Variants in UGCG observed in about 807,000 individuals in gnomAD.
The protein encoded by UGCG is ceramide glucosyltransferase.
Under a neutral mutation model 49.5 loss-of-function variants are expected in UGCG, and 10 were observed. That is an observed-to-expected ratio of 0.20 (90% confidence interval 0.12 to 0.34). The LOEUF (loss-of-function observed/expected upper bound fraction) is 0.34, where lower values mean the gene tolerates loss of function less well. UGCG is among the 10% of genes least tolerant of loss of function. UGCG has a pLI of 1.00. For missense variants in UGCG, 312 were observed against 483.7 expected (o/e 0.65, Z 3.33); for synonymous variants, 182 against 158.2 (o/e 1.15, Z -1.13).
intron 7 of UGCG, 75 bp downstream of exon 7, chr9:111,931,432 A>T: frequency 1.5e-6 from 2 of 1,343,974 alleles, no homozygotes; most frequent in Non-Finnish European, 1.0e-6. Context: ...TACAGGTTTA[A>T]TGTAGTTAAA....
chr9:111,912,925 A>G (rs1838042396), intron 1 of UGCG, among the ~76,000 whole-genome samples: 1 of 152,078 alleles, frequency 6.6e-6, no homozygotes, highest in Non-Finnish European at 1.5e-5. Flanking sequence ...ACGTGTGTGT[A>G]AAACTGTATG....
intron 1 of UGCG, among the ~76,000 whole-genome samples, chr9:111,912,194 A>G (rs1838023527): frequency 6.6e-6 from 1 of 151,800 alleles, no homozygotes; most frequent in Admixed American, 6.6e-5. Flanking sequence ...TATGCGTTTT[A>G]GATCGTGGTT....
At chr9:111,924,410 C>G (rs965424936) in intron 3 of UGCG, among the ~76,000 whole-genome samples, 2 of 152,038 alleles carry the variant, frequency 1.3e-5, no homozygotes, top group Non-Finnish European at 2.9e-5. Flanking sequence ...TGTACTTATA[C>G]TTTATTTGTG....
chr9:111,920,050 C>T (rs532505657), intron 2 of UGCG, among the ~76,000 whole-genome samples: 2 of 152,182 alleles, frequency 1.3e-5, no homozygotes, highest in Admixed American at 6.5e-5. Context: ...AAGGAAATCT[C>T]AGGAGGGTGG....
chr9:111,914,968 T>A, intron 2 of UGCG: 2 of 480,108 alleles, frequency 4.2e-6, no homozygotes, highest in Non-Finnish European at 6.9e-6. Flanking sequence ...CCGTGTGAAG[T>A]AGAGATCCCT....
intron 1 of UGCG, among the ~76,000 whole-genome samples, chr9:111,908,009 T>C (rs777395315): frequency 5.9e-5 from 9 of 152,116 alleles, no homozygotes; most frequent in Admixed American, 1.3e-4. Context: ...TCTCCTGTAT[T>C]TTTTTCTGAT....
At chr9:111,932,023 T>TAAAAA in intron 7 of UGCG, 147 bp from the exon 8 acceptor site, 2 of 738,040 alleles carry the variant, frequency 2.7e-6, no homozygotes, top group Non-Finnish European at 4.1e-6. Context: ...CCGTCTCAAG[T>TAAAAA]AAAAAAAAAA....
chr9:111,909,858 A>G (rs868735789), intron 1 of UGCG, among the ~76,000 whole-genome samples: 1 of 152,222 alleles, frequency 6.6e-6, no homozygotes, highest in African/African-American at 2.4e-5. Context: ...CCTAGGGGGT[A>G]CACAACAAAC....
At chr9:111,915,486 T>C (rs531706314) in intron 2 of UGCG, among the ~76,000 whole-genome samples, 2 of 152,336 alleles carry the variant, frequency 1.3e-5, no homozygotes, top group South Asian at 4.1e-4. Flanking sequence ...AAGGGCATTT[T>C]GGTGGTAACA....
At chr9:111,901,595 C>G (rs1379704328) in intron 1 of UGCG, among the ~76,000 whole-genome samples, 1 of 152,080 alleles carries the variant, frequency 6.6e-6, no homozygotes, top group Admixed American at 6.5e-5. Flanking sequence ...CTTAATACCT[C>G]GGTGATGGGA....
chr9:111,929,206 C>A (rs931207363), intron 5 of UGCG: 1 of 266,680 alleles, frequency 3.7e-6, no homozygotes. Flanking sequence ...TACATGAACA[C>A]CCTAAAAACA....
intron 3 of UGCG, 120 bp downstream of exon 3, chr9:111,923,071 A>T (rs1056474333): frequency 5.2e-6 from 3 of 574,216 alleles, no homozygotes; most frequent in Non-Finnish European, 8.5e-6. Context: ...TTGTTGGAGT[A>T]CTGAGAGGTG....
chr9:111,922,956 G>A lies in UGCG; in HGVS notation c.343+5G>A. 1 of 1,586,160 alleles carries A rather than the reference G, an allele frequency of 6.3e-7. No individual in the cohort carries two copies. Among genetic ancestry groups the A allele is most frequent in the Non-Finnish European group, 8.6e-7 (1 of 1,157,734 alleles). Reference sequence around the variant, plus strand: ...TTGATGCTAGATTGTTTATAGGTAAGTAACAAATTCTGTAGTAACCATTTT... The same window carrying A: ...TTGATGCTAGATTGTTTATAGGTAAATAACAAATTCTGTAGTAACCATTTT... On this transcript the variant is annotated splice_donor_5th_base_variant and intron_variant, in intron 3 of 8. Transcript: ENST00000374279.
chr9:111,931,532 A>G (rs573979217), intron 7 of UGCG, among the ~76,000 whole-genome samples, 175 bp downstream of exon 7: 3 of 152,300 alleles, frequency 2.0e-5, no homozygotes, highest in Non-Finnish European at 2.9e-5. Context: ...GTCTAAATGT[A>G]TTTTATTTGC....
chr9:111,921,617 C>T (rs1178698469), intron 2 of UGCG, among the ~76,000 whole-genome samples: 2 of 149,048 alleles, frequency 1.3e-5, no homozygotes, highest in African/African-American at 5.0e-5. Flanking sequence ...TGCCACTGCA[C>T]TCCAACCTGG....
At chr9:111,918,166 C>G (rs181144407) in intron 2 of UGCG, among the ~76,000 whole-genome samples, 268 of 152,182 alleles carry the variant, frequency 1.8e-3, no homozygotes, top group African/African-American at 6.1e-3. Flanking sequence ...GTCAGCCTCC[C>G]GAGAAGTTGG....
At chr9:111,911,997 T>A (rs1255934790) in intron 1 of UGCG, among the ~76,000 whole-genome samples, 2 of 134,508 alleles carry the variant, frequency 1.5e-5, no homozygotes, top group Non-Finnish European at 3.2e-5. Context: ...TACATATATA[T>A]ATTCAACAGG....
At chr9:111,899,264 T>C (rs1837723455) in intron 1 of UGCG, among the ~76,000 whole-genome samples, 2 of 152,246 alleles carry the variant, frequency 1.3e-5, no homozygotes, top group African/African-American at 4.8e-5. Context: ...TTGATACATA[T>C]TGGCCCCATG....
rs747099732 is a variant in UGCG, at chr9:111,897,193, G to A, written c.-23G>A. 13 of 1,538,332 alleles carry A rather than the reference G, an allele frequency of 8.5e-6. No homozygotes were observed. Among genetic ancestry groups the A allele is most frequent in the Non-Finnish European group, 6.1e-6 (7 of 1,144,174 alleles). On this transcript the variant is annotated 5_prime_UTR_variant, in exon 1 of 9. Coordinates refer to ENST00000374279, the MANE Select transcript of UGCG (RefSeq NM_003358.3). ...TCCGTGTTGGCGGCCGCAGCGGGCCGGGCCGGTCCGGCGGGCCGGGGGATG... is the reference window on the plus strand; with the variant it reads ...TCCGTGTTGGCGGCCGCAGCGGGCCAGGCCGGTCCGGCGGGCCGGGGGATG...
Sources: allele counts gnomAD v4.1 joint callset (sites outside exome capture counted in the v4.1 genomes callset), GRCh38; gene constraint gnomAD v4.1.1; transcripts MANE v1.5; gene names NCBI Gene and HGNC (gene_info 2026-07-23, HGNC 2026-07-21).